JAKMIP3: variants seen among roughly 807,000 people sequenced by gnomAD.
JAKMIP3 encodes janus kinase and microtubule-interacting protein 3.
Under a neutral mutation model 118.5 loss-of-function variants are expected in JAKMIP3, and 58 were observed. The observed-to-expected ratio is 0.49, with a 90% confidence interval of 0.40 to 0.61. The LOEUF is 0.61. JAKMIP3 is among the 20% of genes least tolerant of loss of function. JAKMIP3 has a pLI of 0.00. For synonymous variants in JAKMIP3, 486 were observed against 451.2 expected (o/e 1.08, Z -0.98); for missense variants, 950 against 1,109.0 (o/e 0.86, Z 2.04).
intron 3 of JAKMIP3, among the ~76,000 whole-genome samples, chr10:132,126,259 TTGG>T (rs2049519887): frequency 2.0e-5 from 3 of 151,980 alleles, no homozygotes; most frequent in African/African-American, 7.3e-5. Context: ...TGCAGGTTGG[TTGG>T]TTGGTTTTGG....
chr10:132,164,832 G>A (rs2058728888), intron 21 of JAKMIP3, 97 bp downstream of exon 21: 10 of 827,730 alleles, frequency 1.2e-5, no homozygotes, highest in African/African-American at 3.4e-5. Flanking sequence ...GGCCGTTGGG[G>A]CAGCAGACTT....
chr10:132,122,230 C>A (rs1462442830), intron 3 of JAKMIP3, among the ~76,000 whole-genome samples: 2 of 150,920 alleles, frequency 1.3e-5, no homozygotes, highest in African/African-American at 4.9e-5. Context: ...CCGGTCGGCT[C>A]CCCGGCTGTT....
At chr10:132,042,023 C>T (rs898459741) in intron 1 of JAKMIP3, among the ~76,000 whole-genome samples, 1 of 152,048 alleles carries the variant, frequency 6.6e-6, no homozygotes, top group Admixed American at 6.6e-5. Context: ...TGTGCCACCA[C>T]ACCTGGCTAA....
At chr10:132,127,645 T>C (rs2049882089) in intron 3 of JAKMIP3, among the ~76,000 whole-genome samples, 1 of 152,164 alleles carries the variant, frequency 6.6e-6, no homozygotes, top group Non-Finnish European at 1.5e-5. Context: ...CTTCTCTCGC[T>C]GTTTTTTACT....
chr10:132,083,475 C>G (rs2042024220), intron 1 of JAKMIP3, among the ~76,000 whole-genome samples: 1 of 152,110 alleles, frequency 6.6e-6, no homozygotes, highest in Admixed American at 6.5e-5. Flanking sequence ...CTCCCATTCT[C>G]TGGGTTGTCT....
At chr10:132,105,683 A>G (rs924460195) in intron 2 of JAKMIP3, among the ~76,000 whole-genome samples, 1 of 152,180 alleles carries the variant, frequency 6.6e-6, no homozygotes, top group East Asian at 1.9e-4. Context: ...GGAGCCATTA[A>G]GAAGTGTGCC....
chr10:132,149,587 A>ACCCCCTCTCCGCCCCCGCCCCAC, intron 15 of JAKMIP3, 77 bp downstream of exon 15: 1 of 163,022 alleles, frequency 6.1e-6, no homozygotes. Context: ...CCCCCGCCCC[A>ACCCCCTCTCCGCCCCCGCCCCAC]CCCCCCTCCG....
chr10:132,149,531 C>G, intron 15 of JAKMIP3, 21 bp downstream of exon 15: 1 of 1,263,024 alleles, frequency 7.9e-7, no homozygotes, highest in Non-Finnish European at 1.1e-6. Flanking sequence ...CCCCTCCTGC[C>G]CACTCCGCCC....
intron 20 of JAKMIP3, among the ~76,000 whole-genome samples, chr10:132,163,769 T>C (rs1267950341): frequency 6.6e-6 from 1 of 152,140 alleles, no homozygotes; most frequent in African/African-American, 2.4e-5. Context: ...GTCCTGGGCG[T>C]GTTGCGGAGG....
At chr10:132,037,596 C>T (rs185426638) in intron 1 of JAKMIP3, among the ~76,000 whole-genome samples, 1 of 152,278 alleles carries the variant, frequency 6.6e-6, no homozygotes, top group African/African-American at 2.4e-5. Context: ...CAAAAGACCC[C>T]TGCTGGATTT....
chr10:132,146,271 A>G (rs2054593237), intron 13 of JAKMIP3, among the ~76,000 whole-genome samples: 1 of 151,798 alleles, frequency 6.6e-6, no homozygotes, highest in Admixed American at 6.6e-5. Flanking sequence ...CAGGGAAGGG[A>G]GTGCAGGTTT....
rs372053750 is a variant in JAKMIP3 at position 132,182,757 on chromosome 10, A to C, written c.*1504A>C. On this transcript the variant is annotated 3_prime_UTR_variant, in exon 24 of 24. Coordinates refer to ENST00000684848, the MANE Select transcript of JAKMIP3 (RefSeq NM_001323087.2). ...TGGGTTGTCTGGAAGTATTAGGCTC[A>C]TTTTATATTTGTGTCAGAAGAAATG... is the stretch of plus-strand genomic sequence containing the variant. 2 of 152,172 alleles carry C rather than the reference A, an allele frequency of 1.3e-5. No homozygotes were observed. Among genetic ancestry groups the C allele is most frequent in the Non-Finnish European group, 2.9e-5 (2 of 68,020 alleles). 9.4% of individuals were successfully genotyped at this position (152,172 alleles called of 1,614,324 possible). A position where few individuals can be genotyped will look rare whatever the true frequency, so the allele number is the denominator to read the frequency against.
intron 1 of JAKMIP3, among the ~76,000 whole-genome samples, chr10:132,102,594 A>G (rs1033074198): frequency 2.0e-5 from 3 of 152,174 alleles, no homozygotes; most frequent in Non-Finnish European, 2.9e-5. Flanking sequence ...TCAGCCCCGC[A>G]GGCTCCTCGT....
chr10:132,123,120 C>T (rs1251620987), intron 3 of JAKMIP3, among the ~76,000 whole-genome samples: 2 of 152,194 alleles, frequency 1.3e-5, no homozygotes, highest in African/African-American at 2.4e-5. Context: ...TAAAGTCAGA[C>T]GTGGAAGGGG....
At chr10:132,141,534 G>A (rs1429732343) in intron 10 of JAKMIP3, among the ~76,000 whole-genome samples, 1 of 152,176 alleles carries the variant, frequency 6.6e-6, no homozygotes, top group Admixed American at 6.5e-5. Flanking sequence ...CAGCAGAGCA[G>A]AGCGTGTGCA....
intron 2 of JAKMIP3, among the ~76,000 whole-genome samples, chr10:132,107,221 C>T (rs1014360115): frequency 6.6e-6 from 1 of 152,182 alleles, no homozygotes; most frequent in African/African-American, 2.4e-5. Context: ...ACAAAAACAC[C>T]ACATGTGGAC....
intron 3 of JAKMIP3, among the ~76,000 whole-genome samples, chr10:132,126,813 A>G (rs1185981061): frequency 2.0e-5 from 3 of 152,188 alleles, no homozygotes; most frequent in African/African-American, 4.8e-5. Flanking sequence ...TAAAATAAGC[A>G]TTGTATTTTT....
intron 23 of JAKMIP3, among the ~76,000 whole-genome samples, chr10:132,180,578 T>TGCAC (rs2060793897): frequency 4.2e-5 from 1 of 23,820 alleles, no homozygotes; most frequent in African/African-American, 1.9e-4. Flanking sequence ...CGTGTGTGTG[T>TGCAC]GCGTGCGCGT....
At chr10:132,100,712 C>T (rs565579488) in intron 1 of JAKMIP3, among the ~76,000 whole-genome samples, 38 of 152,282 alleles carry the variant, frequency 2.5e-4, no homozygotes, top group Middle Eastern at 3.4e-3. Flanking sequence ...ATCCGAGGTG[C>T]GGAGCCTCCC....
Sources: gnomAD v4.1 joint callset for allele counts (sites outside exome capture counted in the v4.1 genomes callset) on GRCh38, gnomAD v4.1.1 for gene constraint, MANE v1.5 for transcripts, NCBI Gene and HGNC (gene_info 2026-07-23, HGNC 2026-07-21) for gene names.